The following RNF220 variants were observed in gnomAD, a reference collection of about 807,000 sequenced individuals.
RNF220 encodes ring finger protein 220.
In RNF220, 7 loss-of-function variants were observed where a neutral mutation model predicts 67.1. The ratio of observed to expected loss-of-function variants is 0.10; its 90% CI spans 0.06 to 0.20. RNF220 has a LOEUF of 0.20. Ranked by LOEUF, RNF220 falls within the 10% of genes least tolerant of loss-of-function variation. The pLI, the probability that RNF220 is intolerant of heterozygous loss-of-function variation, is 1.00. For missense variants in RNF220, 565 were observed against 740.3 expected (o/e 0.76, Z 2.75); for synonymous variants, 270 against 283.2 (o/e 0.95, Z 0.47).
At chr1:44,556,212 T>C (rs1007901583) in intron 2 of RNF220, among the ~76,000 whole-genome samples, 1 of 150,206 alleles carries the variant, frequency 6.7e-6, no homozygotes, top group Non-Finnish European at 1.5e-5. Flanking sequence ...TTTTTGTTTT[T>C]TCAGTAGAGA....
chr1:44,522,626 C>T (rs551752331), intron 2 of RNF220, among the ~76,000 whole-genome samples: 4 of 151,930 alleles, frequency 2.6e-5, no homozygotes, highest in Non-Finnish European at 5.9e-5. Context: ...AGAGACCAAT[C>T]TGAGCTTCAG....
chr1:44,626,488 T>C (rs2148458960), intron 5 of RNF220, 90 bp downstream of exon 5: 2 of 1,018,170 alleles, frequency 2.0e-6, no homozygotes, highest in South Asian at 2.7e-5. Context: ...TCCTCTCCTC[T>C]GTAGGCCACA....
chr1:44,504,040 G>T (rs1033072566), intron 2 of RNF220, among the ~76,000 whole-genome samples: 1 of 152,028 alleles, frequency 6.6e-6, no homozygotes, highest in Admixed American at 6.6e-5. Context: ...TAGTAGAGAT[G>T]GGTTTCACTG....
intron 2 of RNF220, among the ~76,000 whole-genome samples, chr1:44,605,349 A>C (rs1431892375): frequency 6.6e-6 from 1 of 151,906 alleles, no homozygotes; most frequent in Non-Finnish European, 1.5e-5. Context: ...AGCTGACCAG[A>C]CTAGACCAGA....
At chr1:44,583,604 A>C (rs1421258958) in intron 2 of RNF220, among the ~76,000 whole-genome samples, 6 of 152,248 alleles carry the variant, frequency 3.9e-5, no homozygotes, top group Non-Finnish European at 8.8e-5. Context: ...CGAGAATCAA[A>C]AGAATCAAAG....
At chr1:44,426,828 C>A (rs757595755) in intron 2 of RNF220, among the ~76,000 whole-genome samples, 1 of 152,048 alleles carries the variant, frequency 6.6e-6, no homozygotes, top group East Asian at 1.9e-4. Context: ...GATTCATTAA[C>A]AAGATCTTAA....
At position 44,633,424 on chromosome 1, in the gene RNF220, C is replaced by T. The variant is rs145370875; in HGVS notation, c.949+1039C>T. 5.9e-5 allele frequency among the ~76,000 whole-genome samples: 9 copies of T among 152,306 alleles called. 1 individual carries two copies. In the East Asian group the frequency reaches 1.7e-3, roughly 29 times the overall value. On this transcript the variant is annotated intron_variant, in intron 6 of 14. Coordinates refer to ENST00000361799, the MANE Select transcript of RNF220 (RefSeq NM_018150.4). ...TCCTTGGCAAATGCTTTGATTCTTC[C>T]TACTCGTACGTAGCCTCTGGATAGA...
At chr1:44,458,964 G>A (rs959236569) in intron 2 of RNF220, among the ~76,000 whole-genome samples, 6 of 152,160 alleles carry the variant, frequency 3.9e-5, no homozygotes, top group Non-Finnish European at 8.8e-5. Context: ...ACTCTTGGAC[G>A]ACAGCCTCTA....
intron 2 of RNF220, among the ~76,000 whole-genome samples, chr1:44,531,359 C>A (rs1433247267): frequency 6.6e-6 from 1 of 152,158 alleles, no homozygotes; most frequent in Non-Finnish European, 1.5e-5. Context: ...ACCTGTTGTC[C>A]TGTTATTTCC....
chr1:44,444,189 A>G (rs1449683105), intron 2 of RNF220, among the ~76,000 whole-genome samples: 1 of 152,242 alleles, frequency 6.6e-6, no homozygotes, highest in Non-Finnish European at 1.5e-5. Context: ...TACTTAGGTA[A>G]TCACTATCTT....
intron 4 of RNF220, among the ~76,000 whole-genome samples, chr1:44,625,612 G>T (rs1188075809): frequency 6.6e-6 from 1 of 152,172 alleles, no homozygotes; most frequent in East Asian, 1.9e-4. Flanking sequence ...CAGGCACCCA[G>T]TTTGCAGCTG....
intron 2 of RNF220, among the ~76,000 whole-genome samples, chr1:44,441,017 G>A (rs574798450): frequency 6.6e-6 from 1 of 152,194 alleles, no homozygotes; most frequent in African/African-American, 2.4e-5. Flanking sequence ...TGTGAAGCCT[G>A]TCAAGGGGGA....
intron 2 of RNF220, among the ~76,000 whole-genome samples, chr1:44,478,322 AATATG>A (rs1655471651): frequency 6.6e-6 from 1 of 152,094 alleles, no homozygotes; most frequent in Admixed American, 6.6e-5. Flanking sequence ...ATCAGGCCTA[AATATG>A]GTTTCTCTTG....
At chr1:44,626,776 T>C (rs528048110) in intron 5 of RNF220, 11 of 194,058 alleles carry the variant, frequency 5.7e-5, no homozygotes, top group Admixed American at 1.1e-4. Flanking sequence ...CAGTGGCTCA[T>C]GCCTGTAATC....
intron 2 of RNF220, among the ~76,000 whole-genome samples, chr1:44,605,900 G>T (rs978399456): frequency 6.6e-6 from 1 of 152,120 alleles, no homozygotes; most frequent in East Asian, 1.9e-4. Flanking sequence ...CACGGGCACC[G>T]GCCACTACCC....
intron 2 of RNF220, among the ~76,000 whole-genome samples, chr1:44,509,423 G>A (rs547564110): frequency 1.5e-4 from 23 of 152,024 alleles, no homozygotes; most frequent in South Asian, 4.2e-4. Context: ...GGTGGTGGGC[G>A]CCTGTAGTCC....
intron 2 of RNF220, among the ~76,000 whole-genome samples, chr1:44,496,006 A>G (rs899071879): frequency 1.3e-5 from 2 of 152,220 alleles, no homozygotes; most frequent in Non-Finnish European, 2.9e-5. Context: ...TTTTATATAT[A>G]TGCCTTGCTA....
chr1:44,495,946 T>C (rs35599252), intron 2 of RNF220, among the ~76,000 whole-genome samples: 8,296 of 148,496 alleles, frequency 0.056, 249 homozygotes, highest in Middle Eastern at 0.075. Flanking sequence ...AATGAACCAG[T>C]GGCAAGAGAT....
chr1:44,485,108 C>A (rs1397643270), intron 2 of RNF220, among the ~76,000 whole-genome samples: 1 of 152,164 alleles, frequency 6.6e-6, no homozygotes, highest in Admixed American at 6.5e-5. Context: ...TGCACTCTAG[C>A]CTGGGCAACA....
Sources: allele counts gnomAD v4.1 joint callset (sites outside exome capture counted in the v4.1 genomes callset), GRCh38; gene constraint gnomAD v4.1.1; transcripts MANE v1.5; gene names NCBI Gene and HGNC (gene_info 2026-07-23, HGNC 2026-07-21).